INTS5: variants seen among roughly 807,000 people sequenced by gnomAD.
INTS5 encodes KIAA1698.
INTS5 carries 29 observed loss-of-function variants against 60.0 expected under a neutral mutation model. The observed-to-expected ratio is 0.48, with a 90% CI of 0.36 to 0.66. The LOEUF (loss-of-function observed/expected upper bound fraction) is 0.66, where lower values mean the gene tolerates loss of function less well. INTS5 is among the 30% of genes least tolerant of loss of function. The probability of loss-of-function intolerance (pLI) is 0.00; values close to 1 mark genes in which losing one functional copy is unlikely to be tolerated. For synonymous variants in INTS5, 588 were observed against 558.8 expected (o/e 1.05, Z -0.74); for missense variants, 1,129 against 1,307.9 (o/e 0.86, Z 2.11).
At position 62,650,067 on chromosome 11, in the gene INTS5, T is replaced by C. The variant is rs917938345; in HGVS notation, c.81-68A>G. On this transcript the variant is annotated intron_variant, in intron 1 of 1. Coordinates refer to ENST00000330574, the MANE Select transcript of INTS5 (RefSeq NM_030628.2). ...TGTTAGGCAACTTACCTTTCCTGTA[T>C]GAGCTTTGCCTTTTATGTTAAATAG... The C allele has an allele frequency of 7.8e-6, 10 of 1,277,222 alleles. No homozygotes were observed. The African/African-American group carries it at 1.5e-4, about 19-fold the overall frequency. 79.1% of individuals were successfully genotyped at this position (1,277,222 alleles called of 1,614,324 possible).
chr11:62,652,607 C>G (rs780170842), intron 1 of INTS5, among the ~76,000 whole-genome samples: 1 of 152,082 alleles, frequency 6.6e-6, no homozygotes, highest in Non-Finnish European at 1.5e-5. Flanking sequence ...AACCCTTTCC[C>G]TCCTAAAACA....
chr11:62,650,317 C>T (rs1015956502), intron 1 of INTS5, among the ~76,000 whole-genome samples: 1 of 151,842 alleles, frequency 6.6e-6, no homozygotes, highest in African/African-American at 2.4e-5. Flanking sequence ...GGGGTTTCAC[C>T]GTGTTAGCCA....
Position 62,648,776 on chromosome 11 carries a change from C to A in INTS5, c.1304G>T (p.Cys435Phe), listed in dbSNP as rs1431526245. ...CAGCAGCAGCTGGATTAGCCGGTCA[C>A]AAGCCTCACGCACGGTGTCTGGCAC... ...LAVPDTVREA[C>F]DRLIQLLLLH... Residue 435 changes from cysteine (C) to phenylalanine (F), a missense_variant, in exon 2 of 2, where the codon TGT becomes TTT. By Grantham distance (205) the Cys-to-Phe change is radical. Around this residue, in one of 3 missense-constraint regions of INTS5, gnomAD observed 1,070 missense variants for 1,246.1 expected, o/e 0.86. Transcript: ENST00000330574. The surrounding 1 kb of genome is among the most constrained non-coding windows in gnomAD (Gnocchi z 4.4). 3 of 1,614,208 alleles carry A rather than the reference C, an allele frequency of 1.9e-6. No individual in the cohort carries two copies. The South Asian group carries it at 3.3e-5, about 18-fold the overall frequency.
At position 62,649,548 on chromosome 11, in the gene INTS5, G is replaced by A; in HGVS notation, c.532C>T (p.Gln178Ter). The change falls in exon 2 of 2, where the codon CAG becomes TAG. Residue 178 changes from glutamine to a stop codon, truncating the protein, a stop_gained. Coordinates refer to ENST00000330574, the MANE Select transcript of INTS5 (RefSeq NM_030628.2). LOFTEE classifies it high-confidence loss of function. This position sits in a 1 kb window ranked among gnomAD's most constrained non-coding sequence, Gnocchi z 6.0. Reference protein sequence around the residue: ...HATGALNELLQLWMGCRATRT... With the variant: ...HATGALNELL ...GTGGCCCTACAACCCATCCACAGCT[G>A]TAGCAGTTCATTAAGAGCGCCAGTA... 1 of 1,614,234 alleles carries A rather than the reference G, an allele frequency of 6.2e-7. No individual in the cohort carries two copies. Among genetic ancestry groups the A allele is most frequent in the Non-Finnish European group, 8.5e-7 (1 of 1,180,040 alleles).
In INTS5 at chr11:62,653,271, G is replaced by C. The variant is rs547319411; in HGVS notation, c.-22C>G. ...ACATCCCGGAGCCCGAGCCGAGCCC[G>C]AGGCGCGAGCGGCGGAGCGCAGGCG... On this transcript the variant is annotated 5_prime_UTR_variant, in exon 1 of 2. Transcript: ENST00000330574. 2 of 1,241,920 alleles carry C rather than the reference G, an allele frequency of 1.6e-6. No homozygotes were observed. The highest frequency in any genetic ancestry group is 2.0e-6 in the Non-Finnish European group (2 of 986,474). 76.9% of individuals were successfully genotyped at this position (1,241,920 alleles called of 1,614,324 possible).
At position 62,649,831 on chromosome 11, in the gene INTS5, C is replaced by G. The variant is rs565093633; in HGVS notation, c.249G>C (p.Glu83Asp). The change falls in exon 2 of 2, where the codon GAG (glutamate) becomes GAC (aspartate). Residue 83 changes from glutamate (E) to aspartate (D), a missense_variant. Glu to Asp is a conservative substitution (Grantham distance 45). This residue lies in a region of INTS5 where 1,070 missense variants were observed against 1,246.1 expected (regional missense o/e 0.86). Transcript: ENST00000330574. This position sits in a 1 kb window ranked among gnomAD's most constrained non-coding sequence, Gnocchi z 6.0. ...VLDHLRGVFDESVRAHLAALD... is the reference protein window; with the variant it reads ...VLDHLRGVFDDSVRAHLAALD... ...GGGCAGCCAGGTGGGCCCGGACACT[C>G]TCATCAAAGACACCTCTCAAGTGGT... The G allele has an allele frequency of 6.2e-7, 1 of 1,614,134 alleles. No homozygotes were observed. The highest frequency in any genetic ancestry group is 1.1e-5 in the South Asian group (1 of 91,088).
In INTS5 at chr11:62,653,214, C is replaced by T; in HGVS notation, c.36G>A (p.Gly12=). 1 of 1,246,992 alleles carries T rather than the reference C, an allele frequency of 8.0e-7. No individual in the cohort carries two copies. Among genetic ancestry groups the T allele is most frequent in the South Asian group, 4.1e-5 (1 of 24,384 alleles). The allele number at this position is 1,246,992 out of a possible 1,614,324, so 77.2% of individuals were successfully genotyped here. ...SALCDPPGAP[G]PPGPAPATHG... ...GGGTGGCCGGGGCAGGCCCAGGTGG[C>T]CCTGGGGCCCCGGGAGGGTCGCACA... Residue 12 remains glycine (G), a synonymous_variant, in exon 1 of 2, where the codon GGG becomes GGA. Transcript: ENST00000330574.
Position 62,647,526 on chromosome 11 carries a change from G to C in INTS5, c.2554C>G (p.Arg852Gly), listed in dbSNP as rs748675692. ...AGCTCAAAGAGCAGGGGCTGTTCGCGGAAGCGCCGGCCAATGCGGAGATCC... is the reference window on the plus strand; with the variant it reads ...AGCTCAAAGAGCAGGGGCTGTTCGCCGAAGCGCCGGCCAATGCGGAGATCC... Reference protein sequence around the residue: ...ERDLRIGRRFREQPLLFELLK... With the variant: ...ERDLRIGRRFGEQPLLFELLK... Residue 852 changes from arginine (R) to glycine (G), a missense_variant, in exon 2 of 2, where the codon CGC becomes GGC. This residue lies in a region of INTS5 where 1,070 missense variants were observed against 1,246.1 expected (regional missense o/e 0.86). Coordinates refer to ENST00000330574, the MANE Select transcript of INTS5 (RefSeq NM_030628.2). 3 of 1,612,312 alleles carry C rather than the reference G, an allele frequency of 1.9e-6. No individual in the cohort carries two copies. The highest frequency in any genetic ancestry group is 1.7e-5 in the Admixed American group (1 of 59,928).
chr11:62,649,484 G>A lies in INTS5; in HGVS notation c.596C>T (p.Ala199Val). 6.2e-7 allele frequency: 1 copy of A among 1,614,216 alleles called. No individual in the cohort carries two copies. Among genetic ancestry groups the A allele is most frequent in the Non-Finnish European group, 8.5e-7 (1 of 1,180,038 alleles). Residue 199 changes from alanine to valine, a missense_variant, in exon 2 of 2, where the codon GCT becomes GTT. Coordinates refer to ENST00000330574, the MANE Select transcript of INTS5 (RefSeq NM_030628.2). This position sits in a 1 kb window ranked among gnomAD's most constrained non-coding sequence, Gnocchi z 6.0. The part of the protein sequence containing the change: ...LMDIYVQCLS[A>V]LIGSCPDACV... ...CGCATCTGGGCAGCTACCAATGAGA[G>A]CCGAGAGGCACTGCACATAGATGTC...
Position 62,647,472 on chromosome 11 carries a change from C to A in INTS5, c.2608G>T (p.Ala870Ser). 3 of 1,604,956 alleles carry A rather than the reference C, an allele frequency of 1.9e-6. No individual in the cohort carries two copies. The highest frequency in any genetic ancestry group is 1.1e-5 in the South Asian group (1 of 89,924). ...AGCAGCACGGAACAGTAGCACAGGG[C>A]TGGGGGTGCAGCTGCTACCAGCTTT... is the stretch of plus-strand genomic sequence containing the variant. ...LLKLVAAAPP[A>S]LCYCSVLLRG... The change falls in exon 2 of 2, where the codon GCC becomes TCC. Residue 870 changes from alanine (A) to serine (S), a missense_variant. Around this residue, in one of 3 missense-constraint regions of INTS5, gnomAD observed 1,070 missense variants for 1,246.1 expected, o/e 0.86. Coordinates refer to ENST00000330574, the MANE Select transcript of INTS5 (RefSeq NM_030628.2).
chr11:62,652,075 T>C (rs1944598693), intron 1 of INTS5, among the ~76,000 whole-genome samples: 2 of 151,366 alleles, frequency 1.3e-5, no homozygotes, highest in Non-Finnish European at 2.9e-5. Context: ...ATCCTAGCAC[T>C]CTGGGAGGCC....
rs1361339412 is a variant in INTS5, at chr11:62,649,874, G to A, written c.206C>T (p.Ala69Val). ...CAAGTGGTCAAGCACAGCAGCCCGA[G>A]CAGGTGGCAAAGAACGGAGCAGGAG... is the stretch of plus-strand genomic sequence containing the variant. ...GLLLLRSLPP[A>V]RAAVLDHLRG... Residue 69 changes from alanine (A) to valine (V), a missense_variant, in exon 2 of 2, where the codon GCT becomes GTT. By Grantham distance (64) the Ala-to-Val change is moderately conservative. Around this residue, in one of 3 missense-constraint regions of INTS5, gnomAD observed 1,070 missense variants for 1,246.1 expected, o/e 0.86. Transcript: ENST00000330574. The surrounding 1 kb of genome is among the most constrained non-coding windows in gnomAD (Gnocchi z 6.0). The A allele has an allele frequency of 6.2e-7, 1 of 1,614,194 alleles. No homozygotes were observed. The highest frequency in any genetic ancestry group is 2.2e-5 in the East Asian group (1 of 44,890).
Position 62,648,794 on chromosome 11 carries a change from T to C in INTS5, c.1286A>G (p.Asp429Gly). 1 of 1,614,178 alleles carries C rather than the reference T, an allele frequency of 6.2e-7. No individual in the cohort carries two copies. The highest frequency in any genetic ancestry group is 8.5e-7 in the Non-Finnish European group (1 of 1,180,044). Reference sequence around the variant, plus strand: ...CCGGTCACAAGCCTCACGCACGGTGTCTGGCACAGCCAGGCCCTGGGTGGT... The same window carrying C: ...CCGGTCACAAGCCTCACGCACGGTGCCTGGCACAGCCAGGCCCTGGGTGGT... ...VITTQGLAVPDTVREACDRLI... is the reference protein window; with the variant it reads ...VITTQGLAVPGTVREACDRLI... Residue 429 changes from aspartate to glycine, a missense_variant, in exon 2 of 2, where the codon GAC (aspartate) becomes GGC (glycine). Asp to Gly is a moderately conservative substitution (Grantham distance 94). Transcript: ENST00000330574. The surrounding 1 kb of genome is among the most constrained non-coding windows in gnomAD (Gnocchi z 4.4).
chr11:62,649,563 G>A lies in INTS5; in HGVS notation c.517C>T (p.Leu173Phe), dbSNP rs1590838381. 1.2e-6 allele frequency: 2 copies of A among 1,614,206 alleles called. No individual in the cohort carries two copies. Among genetic ancestry groups the A allele is most frequent in the Non-Finnish European group, 1.7e-6 (2 of 1,180,030 alleles). ...HQRVPHATGA[L>F]NELLQLWMGC... ...ATCCACAGCTGTAGCAGTTCATTAAGAGCGCCAGTAGCGTGGGGAACACGC... is the reference window on the plus strand; with the variant it reads ...ATCCACAGCTGTAGCAGTTCATTAAAAGCGCCAGTAGCGTGGGGAACACGC... Residue 173 changes from leucine to phenylalanine, a missense_variant, in exon 2 of 2, where the codon CTT (leucine) becomes TTT (phenylalanine). By Grantham distance (22) the Leu-to-Phe change is conservative (BLOSUM62 0). This residue lies in a region of INTS5 where 1,070 missense variants were observed against 1,246.1 expected (regional missense o/e 0.86). Transcript: ENST00000330574. This position sits in a 1 kb window ranked among gnomAD's most constrained non-coding sequence, Gnocchi z 6.0.
rs149540389 is a variant in INTS5, at chr11:62,648,562, C to G, written c.1518G>C (p.Leu506=). ...CACAGCTAGGCCGGGTATAGACAGA[C>G]AGCAGGCCCAAGAGCTGGTGCTGCC... is the stretch of plus-strand genomic sequence containing the variant. ...FLWQHQLLGL[L]SVYTRPSCGP... is the part of the protein sequence containing the mutation. Residue 506 remains leucine (L), a synonymous_variant, in exon 2 of 2, where the codon CTG becomes CTC. Transcript: ENST00000330574. This position sits in a 1 kb window ranked among gnomAD's most constrained non-coding sequence, Gnocchi z 4.4. 6.2e-7 allele frequency: 1 copy of G among 1,614,172 alleles called. No individual in the cohort carries two copies. Among genetic ancestry groups the G allele is most frequent in the South Asian group, 1.1e-5 (1 of 91,086 alleles).
chr11:62,652,865 G>A (rs1382844713), intron 1 of INTS5, among the ~76,000 whole-genome samples: 1 of 152,168 alleles, frequency 6.6e-6, no homozygotes, highest in Non-Finnish European at 1.5e-5. Flanking sequence ...GGGTTTCCTA[G>A]GGTCAAAAAT....
intron 1 of INTS5, 57 bp downstream of exon 1, chr11:62,653,113 G>C (rs1944609356): frequency 9.3e-7 from 1 of 1,073,836 alleles, no homozygotes; most frequent in African/African-American, 1.6e-5. Flanking sequence ...TACCGAGAAG[G>C]CTAGGGATCG....
chr11:62,652,848 G>A (rs1222518627), intron 1 of INTS5, among the ~76,000 whole-genome samples: 1 of 152,214 alleles, frequency 6.6e-6, no homozygotes, highest in East Asian at 1.9e-4. Flanking sequence ...TATGAAGTCA[G>A]GACACTGGGT....
rs752978319 is a variant in INTS5 at position 62,649,060 on chromosome 11, G to A, written c.1020C>T (p.Phe340=). The A allele has an allele frequency of 2.3e-4, 368 of 1,611,626 alleles. 6 individuals are homozygous for A. In the South Asian group the frequency reaches 3.5e-3, roughly 15 times the overall value. The change falls in exon 2 of 2, where the codon TTC becomes TTT. Residue 340 remains phenylalanine (F), a synonymous_variant. Transcript: ENST00000330574. This position sits in a 1 kb window ranked among gnomAD's most constrained non-coding sequence, Gnocchi z 6.0. ...GTGACATGACTGCCAGCTGCAGTAG[G>A]AACGGAACCGTGGCCTGAAGGGAGG... ...GDPSLQATVP[F]LLQLAVMSPA... is the part of the protein sequence containing the mutation.
Sources: allele counts gnomAD v4.1 joint callset (sites outside exome capture counted in the v4.1 genomes callset), GRCh38; gene constraint gnomAD v4.1.1; regional missense constraint gnomAD v4.1.1; non-coding constraint Gnocchi (gnomAD v3.1); transcripts MANE v1.5; gene names NCBI Gene and HGNC (gene_info 2026-07-23, HGNC 2026-07-21).